FAT2: variants seen among roughly 807,000 people sequenced by gnomAD.
FAT2 encodes the protein FAT atypical cadherin 2, also known as protocadherin Fat 2.
FAT2 carries 150 observed loss-of-function variants against 295.3 expected under a neutral mutation model. The ratio of observed to expected loss-of-function variants is 0.51; its 90% CI spans 0.44 to 0.58. The LOEUF is 0.58. Ranked by LOEUF, FAT2 falls within the 20% of genes least tolerant of loss-of-function variation. FAT2 has a pLI of 0.00. For synonymous variants in FAT2, 2,026 were observed against 2,150.3 expected (o/e 0.94, Z 1.60); for missense variants, 4,868 against 5,442.7 (o/e 0.89, Z 3.32).
Position 151,505,282 on chromosome 5 carries a change from C to T in FAT2, c.*283G>A. 4.1e-6 allele frequency: 2 copies of T among 486,166 alleles called. No individual in the cohort carries two copies. The highest frequency in any genetic ancestry group is 3.6e-6 in the Non-Finnish European group (1 of 276,026). The allele number at this position is 486,166 out of a possible 1,614,324, so 30.1% of individuals were successfully genotyped here. A position where few individuals can be genotyped will look rare whatever the true frequency, so the allele number is the denominator to read the frequency against. ...GATCAGGGAGCCCTCCTGTCTCTCG[C>T]CCACCCCGGGAGTCAATTGTTCCTG... On this transcript the variant is annotated 3_prime_UTR_variant, in exon 24 of 24. Transcript: ENST00000261800.
At chr5:151,547,823 A>G (rs893527977) in intron 9 of FAT2, among the ~76,000 whole-genome samples, 1 of 152,230 alleles carries the variant, frequency 6.6e-6, no homozygotes, top group Non-Finnish European at 1.5e-5. Context: ...AAAAATATGC[A>G]TAGGGGAAGA....
intron 18 of FAT2, among the ~76,000 whole-genome samples, chr5:151,523,231 T>C (rs1219671248): frequency 2.6e-5 from 4 of 152,192 alleles, no homozygotes; most frequent in Non-Finnish European, 4.4e-5. Context: ...CTACTGTTAA[T>C]TATAATGTAT....
At chr5:151,592,758 G>A (rs2278383), upstream of FAT2, among the ~76,000 whole-genome samples, 24,597 of 152,020 alleles carry the variant, frequency 0.16, 2,183 homozygotes, top group East Asian at 0.23. Flanking sequence ...TTCCCCTGCC[G>A]TGTGACAAAA....
intron 12 of FAT2, among the ~76,000 whole-genome samples, chr5:151,537,014 C>G (rs1371301640): frequency 1.3e-5 from 2 of 152,170 alleles, no homozygotes; most frequent in African/African-American, 4.8e-5. Context: ...TCTCTTACCC[C>G]TGGCTAACAC....
intron 9 of FAT2, among the ~76,000 whole-genome samples, chr5:151,546,838 C>T (rs1756689822): frequency 6.6e-6 from 1 of 152,088 alleles, no homozygotes; most frequent in Non-Finnish European, 1.5e-5. Flanking sequence ...CCAGCCTCAG[C>T]CTCTGGTGGG....
At chr5:151,565,461 A>G (rs1290591359) in intron 2 of FAT2, among the ~76,000 whole-genome samples, 1 of 152,172 alleles carries the variant, frequency 6.6e-6, no homozygotes, top group African/African-American at 2.4e-5. Context: ...ATATGTGCAT[A>G]TATGTGTATG....
rs749320703 is a variant in FAT2 at position 151,567,925 on chromosome 5, C to T, written c.1007G>A (p.Arg336Lys). Reference protein sequence around the residue: ...LHGFNLSLQARSGSGPYFYSQ... With the variant: ...LHGFNLSLQAKSGSGPYFYSQ... ...ATAAAAATAAGGGCCGCTCCCACTC[C>T]TGGCCTGGAGGCTGAGGTTGAACCC... Residue 336 changes from arginine to lysine, a missense_variant, in exon 2 of 24, where the codon AGG becomes AAG. By Grantham distance (26) the Arg-to-Lys change is conservative. This residue lies in a region of FAT2 where 3,297 missense variants were observed against 3,669.4 expected (regional missense o/e 0.90). Coordinates refer to ENST00000261800, the MANE Select transcript of FAT2 (RefSeq NM_001447.3). 1.1e-5 allele frequency: 17 copies of T among 1,614,182 alleles called. No individual in the cohort carries two copies. Among genetic ancestry groups the T allele is most frequent in the African/African-American group, 1.3e-5 (1 of 75,038 alleles).
In FAT2 at chr5:151,536,623, C is replaced by A. The variant is rs577279035; in HGVS notation, c.9193+1170G>T. Among the ~76,000 whole-genome samples, 7 of 152,338 alleles carry A rather than the reference C, an allele frequency of 4.6e-5. No homozygotes were observed. The South Asian group carries it at 1.2e-3, about 27-fold the overall frequency. ...TCCTGGCTACTCCTGGCCTACCCTG[C>A]AGGAATCTCTGCTTCCCACTCTGCT... On this transcript the variant is annotated intron_variant, in intron 12 of 23. Coordinates refer to ENST00000261800, the MANE Select transcript of FAT2 (RefSeq NM_001447.3).
chr5:151,583,997 CAAAAAAAAA>C (rs35453556), intron 1 of FAT2, among the ~76,000 whole-genome samples: 10 of 46,048 alleles, frequency 2.2e-4, no homozygotes, highest in East Asian at 8.2e-4. Context: ...GGCTCTGTCT[CAAAAAAAAA>C]AAAAAAAAAA....
rs752804582 is a variant in FAT2 at position 151,550,831 on chromosome 5, G to T, written c.4337C>A (p.Pro1446His). ...TTCATAACGAGTTTCCAGAAACTGG[G>T]GCCGATGGTGGTTAATGTTGGCAAT... is the stretch of plus-strand genomic sequence containing the variant. ...FMIANINHHR[P>H]QFLETRYEVR... The change falls in exon 8 of 24, where the codon CCC becomes CAC. Residue 1446 changes from proline (P) to histidine (H), a missense_variant. Coordinates refer to ENST00000261800, the MANE Select transcript of FAT2 (RefSeq NM_001447.3). 3 of 1,613,628 alleles carry T rather than the reference G, an allele frequency of 1.9e-6. No individual in the cohort carries two copies. In the South Asian group the frequency reaches 3.3e-5, roughly 18 times the overall value.
chr5:151,584,555 T>G (rs1458790455), intron 1 of FAT2, among the ~76,000 whole-genome samples: 1 of 152,206 alleles, frequency 6.6e-6, no homozygotes, highest in African/African-American at 2.4e-5. Flanking sequence ...CCAGATTTAG[T>G]ACTCCCTTGG....
rs938896950 is a variant in FAT2, at chr5:151,531,099, G to C, written c.9811+488C>G. 3.3e-5 allele frequency among the ~76,000 whole-genome samples: 5 copies of C among 152,020 alleles called. No homozygotes were observed. The highest frequency in any genetic ancestry group is 5.9e-5 in the Non-Finnish European group (4 of 67,988). On this transcript the variant is annotated intron_variant, in intron 14 of 23. Coordinates refer to ENST00000261800, the MANE Select transcript of FAT2 (RefSeq NM_001447.3). This position sits in a 1 kb window ranked among gnomAD's most constrained non-coding sequence, Gnocchi z 5.7. The stretch of plus-strand genomic sequence containing the variant: ...GTGGCTAGTAGGAAAGAAGTGAGAC[G>C]GTTTCCTAGTTCTCTCTCTCTTCAA...
intron 1 of FAT2, among the ~76,000 whole-genome samples, chr5:151,584,743 G>A (rs967313381): frequency 3.9e-5 from 6 of 152,190 alleles, no homozygotes; most frequent in Non-Finnish European, 5.9e-5. Context: ...GAAAGGCCAC[G>A]TGCCTTGTCC....
rs2127583872 is a variant in FAT2 at position 151,525,762 on chromosome 5, T to C, written c.10506+6A>G. 1.2e-6 allele frequency: 2 copies of C among 1,614,082 alleles called. No individual in the cohort carries two copies. The highest frequency in any genetic ancestry group is 1.7e-6 in the Non-Finnish European group (2 of 1,180,002). On this transcript the variant is annotated splice_donor_region_variant and intron_variant, in intron 18 of 23. Transcript: ENST00000261800. ...GTCACCACCAGAAGCCTAGCACAGC[T>C]CTCACCTGGATCTGAAGCTGATACC...
In FAT2 at chr5:151,537,912, A is replaced by G; in HGVS notation, c.9074T>C (p.Phe3025Ser). ...LYTGKVHEDV[F>S]PGHFILKVSA... is the part of the protein sequence containing the mutation. ...AACCTTCAAAATGAAGTGTCCTGGA[A>G]ATACATCTTCATGAACCTTGCCAGT... The change falls in exon 12 of 24, where the codon TTT becomes TCT. Residue 3025 changes from phenylalanine to serine, a missense_variant. Physicochemically the swap from Phe to Ser is radical, Grantham distance 155 (BLOSUM62 -2). Transcript: ENST00000261800. 6.2e-7 allele frequency: 1 copy of G among 1,614,186 alleles called. No homozygotes were observed. The highest frequency in any genetic ancestry group is 1.3e-5 in the African/African-American group (1 of 75,050).
chr5:151,564,492 C>T (rs1229986149), intron 2 of FAT2, among the ~76,000 whole-genome samples: 1 of 152,116 alleles, frequency 6.6e-6, no homozygotes, highest in Non-Finnish European at 1.5e-5. Flanking sequence ...TGCTGAAAGC[C>T]AACATTGAGA....
intron 1 of FAT2, among the ~76,000 whole-genome samples, chr5:151,577,968 G>A (rs1216878534): frequency 2.0e-5 from 3 of 151,440 alleles, no homozygotes; most frequent in Non-Finnish European, 4.4e-5. Context: ...GGGCTCTCTG[G>A]TAGGAGGAGT....
chr5:151,542,978 C>T lies in FAT2; in HGVS notation c.8149G>A (p.Ala2717Thr). The T allele has an allele frequency of 1.2e-6, 2 of 1,614,168 alleles. No homozygotes were observed. The highest frequency in any genetic ancestry group is 1.7e-6 in the Non-Finnish European group (2 of 1,180,022). ...CTGTAGATGACTGGATCTTGAGCTG[C>T]CACTGCTTTAACAATCCCAATTTCA... ...GSEIGIVKAV[A>T]AQDPVIYSLV... Residue 2717 changes from alanine (A) to threonine (T), a missense_variant, in exon 10 of 24, where the codon GCA becomes ACA. Ala to Thr is a moderately conservative substitution (Grantham distance 58). This residue lies in a region of FAT2 where 3,297 missense variants were observed against 3,669.4 expected (regional missense o/e 0.90). Coordinates refer to ENST00000261800, the MANE Select transcript of FAT2 (RefSeq NM_001447.3).
At position 151,540,453 on chromosome 5, in the gene FAT2, C is replaced by G. The variant is rs538216091; in HGVS notation, c.9039+114G>C. On this transcript the variant is annotated intron_variant, in intron 11 of 23. Transcript: ENST00000261800. ...TCTCCCTTCTCCTGCCCCTCACTCT[C>G]TGTTCTCCTGCCCCTCAATCTCCCT... 190 of 707,358 alleles carry G rather than the reference C, an allele frequency of 2.7e-4. No homozygotes were observed. In the African/African-American group the frequency reaches 3.1e-3, roughly 12 times the overall value. 43.8% of individuals were successfully genotyped at this position (707,358 alleles called of 1,614,324 possible). A position where few individuals can be genotyped will look rare whatever the true frequency, so the allele number is the denominator to read the frequency against.
Sources: gnomAD v4.1 joint callset for allele counts (sites outside exome capture counted in the v4.1 genomes callset) on GRCh38, gnomAD v4.1.1 for gene constraint, gnomAD v4.1.1 regional missense constraint, Gnocchi (gnomAD v3.1) non-coding constraint, MANE v1.5 for transcripts, NCBI Gene and HGNC (gene_info 2026-07-23, HGNC 2026-07-21) for gene names.